EIF4G1: variants seen among roughly 807,000 people sequenced by gnomAD.
The protein encoded by EIF4G1 is eukaryotic translation initiation factor 4 gamma 1, also known as EIF4-gamma.
A neutral mutation model predicts 187.8 loss-of-function variants in EIF4G1; 4 were observed. The observed-to-expected ratio is 0.02, with a 90% CI of 0.01 to 0.05. The LOEUF is 0.05. EIF4G1 is among the 10% of genes least tolerant of loss of function. EIF4G1 has a pLI of 1.00. For missense variants in EIF4G1, 1,647 were observed against 2,081.1 expected, an observed-to-expected ratio of 0.79 and a Z score of 4.06; for synonymous variants, 844 against 781.4, an observed-to-expected ratio of 1.08 and a Z score of -1.34.
At chr3:184,316,927 G>C (rs1424035854) in intron 4 of EIF4G1, among the ~76,000 whole-genome samples, 1 of 152,186 alleles carries the variant, frequency 6.6e-6, no homozygotes, top group Non-Finnish European at 1.5e-5. Context: ...CTGGGATGCT[G>C]TTGCATGTTA....
rs1440984306 is a variant in EIF4G1, at chr3:184,325,330, C to T, written c.2918C>T (p.Ser973Phe). The T allele has an allele frequency of 6.2e-7, 1 of 1,614,230 alleles. No homozygotes were observed. The highest frequency in any genetic ancestry group is 1.7e-5 in the Admixed American group (1 of 60,026). Reference protein sequence around the residue: ...EKIIKEKKTSSRIRFMLQDVL... With the variant: ...EKIIKEKKTSFRIRFMLQDVL... Reference sequence around the variant, plus strand: ...ATCATTAAAGAAAAGAAGACGTCATCCCGCATCCGCTTTATGCTGCAGGAC... The same window carrying T: ...ATCATTAAAGAAAAGAAGACGTCATTCCGCATCCGCTTTATGCTGCAGGAC... Residue 973 changes from serine (S) to phenylalanine (F), a missense_variant, in exon 19 of 33, where the codon TCC becomes TTC. Ser to Phe is a radical substitution (Grantham distance 155). Transcript: ENST00000346169. The surrounding 1 kb of genome is among the most constrained non-coding windows in gnomAD (Gnocchi z 5.2).
Position 184,325,355 on chromosome 3 carries a change from C to T in EIF4G1, c.2943C>T (p.Asp981=), listed in dbSNP as rs374422548. Reference sequence around the variant, plus strand: ...CCCGCATCCGCTTTATGCTGCAGGACGTGCTGGATCTGCGAGGGGTGTGTG... The same window carrying T: ...CCCGCATCCGCTTTATGCTGCAGGATGTGCTGGATCTGCGAGGGGTGTGTG... The part of the protein sequence containing the change: ...TSSRIRFMLQ[D]VLDLRGSNWV... Residue 981 remains aspartate, a synonymous_variant, in exon 19 of 33, where the codon GAC becomes GAT. Coordinates refer to ENST00000346169, the MANE Select transcript of EIF4G1 (RefSeq NM_198241.3). The surrounding 1 kb of genome is among the most constrained non-coding windows in gnomAD (Gnocchi z 5.2). 24 of 1,614,122 alleles carry T rather than the reference C, an allele frequency of 1.5e-5. No individual in the cohort carries two copies. Among genetic ancestry groups the T allele is most frequent in the African/African-American group, 1.2e-4 (9 of 74,940 alleles).
chr3:184,322,447 G>A lies in EIF4G1; in HGVS notation c.1605G>A (p.Lys535=). 1 of 1,614,116 alleles carries A rather than the reference G, an allele frequency of 6.2e-7. No homozygotes were observed. Among genetic ancestry groups the A allele is most frequent in the Non-Finnish European group, 8.5e-7 (1 of 1,180,008 alleles). ...EAVGDLLDAF[K]EANPAVPEVE... ...TTGGAGACCTTCTGGATGCCTTCAA[G>A]GAGGTAAGGGAGCAGAAAATGGGAG... The change falls in exon 11 of 33, where the codon AAG becomes AAA. Residue 535 remains lysine, a synonymous_variant. Transcript: ENST00000346169.
Position 184,331,534 on chromosome 3 carries a change from G to A in EIF4G1, c.4323G>A (p.Glu1441=). ...EAPGQRALPS[E]ELNRQLEKLL... ...CTGGCCAGAGGGCACTCCCCTCCGAGGAGCTGAACAGGCAGCTGGAGAAGC... is the reference window on the plus strand; with the variant it reads ...CTGGCCAGAGGGCACTCCCCTCCGAAGAGCTGAACAGGCAGCTGGAGAAGC... Residue 1441 remains glutamate (E), a synonymous_variant, in exon 30 of 33, where the codon GAG becomes GAA. Coordinates refer to ENST00000346169, the MANE Select transcript of EIF4G1 (RefSeq NM_198241.3). 1 of 1,614,158 alleles carries A rather than the reference G, an allele frequency of 6.2e-7. No homozygotes were observed. The highest frequency in any genetic ancestry group is 1.1e-5 in the South Asian group (1 of 91,088).
Position 184,323,219 on chromosome 3 carries a change from G to T in EIF4G1, c.2066G>T (p.Gly689Val). 1.2e-6 allele frequency: 2 copies of T among 1,614,204 alleles called. No homozygotes were observed. The highest frequency in any genetic ancestry group is 1.7e-6 in the Non-Finnish European group (2 of 1,180,022). The change falls in exon 14 of 33, where the codon GGT becomes GTT. Residue 689 changes from glycine (G) to valine (V), a missense_variant. Physicochemically the swap from Gly to Val is moderately radical, Grantham distance 109. Around this residue, in one of 11 missense-constraint regions of EIF4G1, gnomAD observed 140 missense variants for 222.2 expected, o/e 0.63. Coordinates refer to ENST00000346169, the MANE Select transcript of EIF4G1 (RefSeq NM_198241.3). This position sits in a 1 kb window ranked among gnomAD's most constrained non-coding sequence, Gnocchi z 6.9. Reference protein sequence around the residue: ...STRGPPRGGPGGELPRGPAGL... With the variant: ...STRGPPRGGPVGELPRGPAGL... ...CGTGGGCCCCCAAGGGGTGGGCCAG[G>T]TGGGGAGCTGCCCCGTGGGCCGGTG...
At chr3:184,316,632 C>G in intron 4 of EIF4G1, 1 of 1,350,004 alleles carries the variant, frequency 7.4e-7, no homozygotes, top group East Asian at 2.3e-5. Context: ...GGATTCTTGT[C>G]CTGTCTTATT....
Position 184,334,615 on chromosome 3 carries a change from C to G in EIF4G1, c.4619-112C>G. 1 of 1,292,010 alleles carries G rather than the reference C, an allele frequency of 7.7e-7. No individual in the cohort carries two copies. The highest frequency in any genetic ancestry group is 1.1e-6 in the Non-Finnish European group (1 of 902,342). The allele number at this position is 1,292,010 out of a possible 1,614,324, so 80.0% of individuals were successfully genotyped here. On this transcript the variant is annotated intron_variant, in intron 32 of 32. Transcript: ENST00000346169. The surrounding 1 kb of genome is among the most constrained non-coding windows in gnomAD (Gnocchi z 5.8). ...GTCACTCTGGAATGGCCACAAATGT[C>G]AGGCTGGTGCATCAGGGCCTTGTTT... is the stretch of plus-strand genomic sequence containing the variant.
chr3:184,325,121 G>A lies in EIF4G1; in HGVS notation c.2856+7G>A, dbSNP rs1420074219. 1.2e-6 allele frequency: 2 copies of A among 1,613,850 alleles called. No homozygotes were observed. Among genetic ancestry groups the A allele is most frequent in the Non-Finnish European group, 8.5e-7 (1 of 1,179,824 alleles). The stretch of plus-strand genomic sequence containing the variant: ...GGACTTTGAAAAAGCCAAGGTAGAG[G>A]TCCTTGCATCTGGAGGGGGATGGGC... On this transcript the variant is annotated splice_region_variant and intron_variant, in intron 18 of 32. Coordinates refer to ENST00000346169, the MANE Select transcript of EIF4G1 (RefSeq NM_198241.3). The surrounding 1 kb of genome is among the most constrained non-coding windows in gnomAD (Gnocchi z 5.2).
At chr3:184,315,081 T>G (rs1722490912) in intron 1 of EIF4G1, 2 of 296,944 alleles carry the variant, frequency 6.7e-6, no homozygotes, top group African/African-American at 4.7e-5. Context: ...TGGCCCGCGC[T>G]GCGCAGGGAG....
rs757048056 is a variant in EIF4G1 at position 184,334,699 on chromosome 3, C to T, written c.4619-28C>T. 3.7e-6 allele frequency: 6 copies of T among 1,613,836 alleles called. No individual in the cohort carries two copies. The highest frequency in any genetic ancestry group is 1.7e-5 in the Admixed American group (1 of 59,986). On this transcript the variant is annotated intron_variant, in intron 32 of 32. Transcript: ENST00000346169. The surrounding 1 kb of genome is among the most constrained non-coding windows in gnomAD (Gnocchi z 5.8). ...GGCTGGGGTGGCGGTGGCCAGTCAC[C>T]TCTAACTGCTGTCCCGCCTGCTTGC...
intron 10 of EIF4G1, 23 bp from the exon 11 acceptor site, chr3:184,322,339 T>G (rs1724056736): frequency 6.2e-7 from 1 of 1,604,778 alleles, no homozygotes; most frequent in Non-Finnish European, 8.5e-7. Flanking sequence ...GATCCATGCT[T>G]TTATTTATTT....
At position 184,319,426 on chromosome 3, in the gene EIF4G1, G is replaced by GGTGTGTGT. The variant is rs1168140244; in HGVS notation, c.425-230_425-223dup. Reference sequence around the variant, plus strand: ...TAGGAAAGAGTGCCTGCCTACGAGGGGTGTGTGTGTGTGTGTGTGTGTGTG... The same window carrying GGTGTGTGT: ...TAGGAAAGAGTGCCTGCCTACGAGGGGTGTGTGTGTGTGTGTGTGTGTGTGTGTGTGTG... On this transcript the variant is annotated intron_variant, in intron 6 of 32. Coordinates refer to ENST00000346169, the MANE Select transcript of EIF4G1 (RefSeq NM_198241.3). Among the ~76,000 whole-genome samples the GGTGTGTGT allele has an allele frequency of 4.1e-3, 466 of 112,956 alleles. 2 individuals are homozygous for GGTGTGTGT. The highest frequency in any genetic ancestry group is 7.7e-3 in the Admixed American group (85 of 11,024). The allele number at this position is 112,956 out of a possible 152,430, so 74.1% of individuals were successfully genotyped here.
chr3:184,316,579 CT>C, intron 4 of EIF4G1: 1 of 866,694 alleles, frequency 1.2e-6, no homozygotes, highest in Non-Finnish European at 1.8e-6. Flanking sequence ...CCAGCTGGTC[CT>C]TGCCTTTCTC....
intron 1 of EIF4G1, 37 bp downstream of exon 1, chr3:184,314,711 C>T (rs1338363784): frequency 6.8e-6 from 1 of 147,684 alleles, no homozygotes; most frequent in Non-Finnish European, 1.5e-5. Flanking sequence ...CCGGCCCCCC[C>T]ACCCCCTCCC....
rs912051185 is a variant in EIF4G1, at chr3:184,327,669, A to G, written c.3745A>G (p.Ile1249Val). Reference protein sequence around the residue: ...EEELEKKSKAIIEEYLHLNDM... With the variant: ...EEELEKKSKAVIEEYLHLNDM... Reference sequence around the variant, plus strand: ...GGAGTTAGAGAAGAAATCCAAGGCTATCATTGAGGAATATCTCCATCTCAA... The same window carrying G: ...GGAGTTAGAGAAGAAATCCAAGGCTGTCATTGAGGAATATCTCCATCTCAA... The change falls in exon 25 of 33, where the codon ATC becomes GTC. Residue 1249 changes from isoleucine (I) to valine (V), a missense_variant. Ile to Val is a conservative substitution (Grantham distance 29, BLOSUM62 3). Coordinates refer to ENST00000346169, the MANE Select transcript of EIF4G1 (RefSeq NM_198241.3). 1.2e-6 allele frequency: 2 copies of G among 1,614,206 alleles called. No homozygotes were observed. The highest frequency in any genetic ancestry group is 8.5e-7 in the Non-Finnish European group (1 of 1,180,028).
intron 7 of EIF4G1, among the ~76,000 whole-genome samples, 174 bp downstream of exon 7, chr3:184,319,975 T>C (rs1723577224): frequency 6.6e-6 from 1 of 152,174 alleles, no homozygotes; most frequent in Non-Finnish European, 1.5e-5. Context: ...GATTTCAGCA[T>C]AGAAGCAGGT....
At position 184,320,615 on chromosome 3, in the gene EIF4G1, G is replaced by A. The variant is rs1723736586; in HGVS notation, c.538-15G>A. 6.2e-7 allele frequency: 1 copy of A among 1,614,056 alleles called. No individual in the cohort carries two copies. The highest frequency in any genetic ancestry group is 2.2e-5 in the East Asian group (1 of 44,876). ...CTTCCTGCTTCCCACTCATCTTATA[G>A]CTTTCTTTCCCCAGATCCGAATTCG... On this transcript the variant is annotated splice_polypyrimidine_tract_variant and intron_variant, in intron 7 of 32. Coordinates refer to ENST00000346169, the MANE Select transcript of EIF4G1 (RefSeq NM_198241.3).
At chr3:184,324,039 C>A in intron 16 of EIF4G1, 62 bp downstream of exon 16, 1 of 1,609,750 alleles carries the variant, frequency 6.2e-7, no homozygotes, top group Non-Finnish European at 8.5e-7. Context: ...CCCAAGACTC[C>A]TTGAGTCCAG....
At chr3:184,318,366 T>A (rs1027398702) in intron 6 of EIF4G1, among the ~76,000 whole-genome samples, 1 of 152,206 alleles carries the variant, frequency 6.6e-6, no homozygotes, top group African/African-American at 2.4e-5. Flanking sequence ...ATCTTGCTTG[T>A]AATCCCAGCA....
Sources: gnomAD v4.1 joint callset for allele counts (sites outside exome capture counted in the v4.1 genomes callset) on GRCh38, gnomAD v4.1.1 for gene constraint, gnomAD v4.1.1 regional missense constraint, Gnocchi (gnomAD v3.1) non-coding constraint, MANE v1.5 for transcripts, NCBI Gene and HGNC (gene_info 2026-07-23, HGNC 2026-07-21) for gene names.